Variants in FILIP1L observed in about 807,000 individuals in gnomAD.
FILIP1L encodes the protein filamin A-interacting protein 1-like.
A neutral mutation model predicts 96.6 loss-of-function variants in FILIP1L; 55 were observed. That is an observed-to-expected ratio of 0.57 (90% CI 0.46 to 0.71). The LOEUF is 0.71. FILIP1L is among the 30% of genes least tolerant of loss of function. The probability of loss-of-function intolerance (pLI) is 0.00; values close to 1 mark genes in which losing one functional copy is unlikely to be tolerated. For synonymous variants in FILIP1L, 467 were observed against 473.9 expected (o/e 0.99, Z 0.19); for missense variants, 1,304 against 1,321.2 (o/e 0.99, Z 0.20).
chr3:100,075,311 A>T (rs2065832924), intron 1 of FILIP1L, among the ~76,000 whole-genome samples: 1 of 152,246 alleles, frequency 6.6e-6, no homozygotes, highest in Non-Finnish European at 1.5e-5. Context: ...TTGCTGCCAC[A>T]GAAATGGATA....
chr3:99,974,900 G>A (rs142931985), intron 1 of FILIP1L, among the ~76,000 whole-genome samples: 1 of 152,224 alleles, frequency 6.6e-6, no homozygotes, highest in African/African-American at 2.4e-5. Flanking sequence ...CATACCAGGT[G>A]GATTCAGTCC....
At chr3:99,937,429 C>T (rs1263593196) in intron 1 of FILIP1L, among the ~76,000 whole-genome samples, 1 of 152,148 alleles carries the variant, frequency 6.6e-6, no homozygotes, top group African/African-American at 2.4e-5. Flanking sequence ...TTTTCTCAAC[C>T]ACTGCTGTCA....
At chr3:100,012,761 CTTT>C (rs35737304) in intron 1 of FILIP1L, among the ~76,000 whole-genome samples, 13 of 93,578 alleles carry the variant, frequency 1.4e-4, no homozygotes, top group Admixed American at 2.4e-4. Flanking sequence ...GAAGCATATT[CTTT>C]TTTTTTTTTT....
chr3:99,980,446 C>T (rs1292554370), intron 1 of FILIP1L, among the ~76,000 whole-genome samples: 1 of 152,146 alleles, frequency 6.6e-6, no homozygotes, highest in Non-Finnish European at 1.5e-5. Flanking sequence ...TGAGGCAGTT[C>T]CTCATAACCA....
intron 1 of FILIP1L, among the ~76,000 whole-genome samples, chr3:99,999,980 T>C (rs887356413): frequency 1.3e-5 from 2 of 152,172 alleles, no homozygotes; most frequent in African/African-American, 4.8e-5. Context: ...TTCTCAGCCC[T>C]GGCTTAAAAA....
At chr3:100,061,454 C>G (rs182307300) in intron 1 of FILIP1L, among the ~76,000 whole-genome samples, 14 of 152,296 alleles carry the variant, frequency 9.2e-5, no homozygotes, top group South Asian at 2.1e-4. Flanking sequence ...TTCCCAGGCC[C>G]TTGTTTTACT....
chr3:99,966,735 T>A (rs888031473), intron 1 of FILIP1L, among the ~76,000 whole-genome samples: 1 of 152,202 alleles, frequency 6.6e-6, no homozygotes, highest in East Asian at 1.9e-4. Flanking sequence ...TGTGTCAGAT[T>A]TGAAAAATCA....
intron 5 of FILIP1L, among the ~76,000 whole-genome samples, chr3:99,845,314 T>C (rs1943314014): frequency 6.6e-6 from 1 of 152,186 alleles, no homozygotes; most frequent in Admixed American, 6.5e-5. Flanking sequence ...GAATCTGTGA[T>C]AGGATTCTAC....
intron 1 of FILIP1L, among the ~76,000 whole-genome samples, chr3:99,946,365 C>T (rs1312260527): frequency 6.6e-6 from 1 of 152,270 alleles, no homozygotes; most frequent in Non-Finnish European, 1.5e-5. Flanking sequence ...TTTTTTGTTA[C>T]GGAAAAGGAG....
intron 1 of FILIP1L, among the ~76,000 whole-genome samples, chr3:100,069,138 G>A (rs6777622): frequency 0.77 from 117,610 of 152,072 alleles, 46,102 homozygotes; most frequent in East Asian, 0.88. Context: ...TCTTCTGTAA[G>A]GCTCCTACTC....
chr3:99,936,442 C>A (rs1193491780), intron 1 of FILIP1L, among the ~76,000 whole-genome samples: 1 of 132,652 alleles, frequency 7.5e-6, no homozygotes. Flanking sequence ...GTGGCACGAT[C>A]TCGGCTCACT....
At chr3:99,880,180 C>A (rs1440193823) in intron 4 of FILIP1L, among the ~76,000 whole-genome samples, 8 of 152,208 alleles carry the variant, frequency 5.3e-5, no homozygotes, top group African/African-American at 1.7e-4. Flanking sequence ...AAAGAACCTT[C>A]TCTCCATGCC....
chr3:100,000,259 G>GA lies in FILIP1L; in HGVS notation c.-10-69230dup, dbSNP rs1559720459. ...TGTCCGGTGACCTTGCTTTTTGTAGGAAAAAAGTCATCCAAAGGGGCCTCC... is the reference window on the plus strand; with the variant it reads ...TGTCCGGTGACCTTGCTTTTTGTAGGAAAAAAAGTCATCCAAAGGGGCCTCC... On this transcript the variant is annotated intron_variant, in intron 1 of 5. Coordinates refer to ENST00000477258, the MANE Select transcript of FILIP1L (RefSeq NM_001387850.1). Among the ~76,000 whole-genome samples the GA allele has an allele frequency of 2.0e-5, 3 of 152,072 alleles. No individual in the cohort carries two copies. In the East Asian group the frequency reaches 5.8e-4, roughly 29 times the overall value.
chr3:99,924,400 T>C lies in FILIP1L; in HGVS notation c.435A>G (p.Lys145=). 6.2e-7 allele frequency: 1 copy of C among 1,613,936 alleles called. No individual in the cohort carries two copies. Among genetic ancestry groups the C allele is most frequent in the Non-Finnish European group, 8.5e-7 (1 of 1,179,952 alleles). The change falls in exon 4 of 6, where the codon AAA becomes AAG. Residue 145 remains lysine, a synonymous_variant. Coordinates refer to ENST00000477258, the MANE Select transcript of FILIP1L (RefSeq NM_001387850.1). ...IYEKPMNELD[K]VVEKHKESYR... Reference sequence around the variant, plus strand: ...AAGATTCTTTATGTTTTTCCACAACTTTGTCCAACTACGAAAGAAAACATT... The same window carrying C: ...AAGATTCTTTATGTTTTTCCACAACCTTGTCCAACTACGAAAGAAAACATT...
chr3:99,850,999 G>T lies in FILIP1L; in HGVS notation c.677C>A (p.Thr226Asn). 1.2e-6 allele frequency: 2 copies of T among 1,613,502 alleles called. No homozygotes were observed. The highest frequency in any genetic ancestry group is 8.5e-7 in the Non-Finnish European group (1 of 1,179,816). Residue 226 changes from threonine to asparagine, a missense_variant, in exon 5 of 6, where the codon ACC (threonine) becomes AAC (asparagine). Physicochemically the swap from Thr to Asn is moderately conservative, Grantham distance 65. Transcript: ENST00000477258. The part of the protein sequence containing the change: ...EKEQEKEKRV[T>N]TLKEELTKLK... Reference sequence around the variant, plus strand: ...CTTGGTCAGCTCCTCTTTCAGGGTGGTGACCCTTTTCTCCTTTTCTTGCTC... The same window carrying T: ...CTTGGTCAGCTCCTCTTTCAGGGTGTTGACCCTTTTCTCCTTTTCTTGCTC...
intron 1 of FILIP1L, among the ~76,000 whole-genome samples, chr3:99,983,389 A>AATAAATAAAT (rs1302972402): frequency 1.2e-4 from 5 of 40,788 alleles, no homozygotes; most frequent in African/African-American, 5.1e-4. Context: ...TAAATAAATA[A>AATAAATAAAT]ATATATATAT....
At chr3:99,867,059 C>T (rs1010889607) in intron 4 of FILIP1L, among the ~76,000 whole-genome samples, 1 of 152,152 alleles carries the variant, frequency 6.6e-6, no homozygotes, top group African/African-American at 2.4e-5. Flanking sequence ...TACTTCCTTT[C>T]CTGTAAGTTG....
chr3:100,045,221 A>G (rs1350555440), intron 1 of FILIP1L, among the ~76,000 whole-genome samples: 1 of 152,260 alleles, frequency 6.6e-6, no homozygotes, highest in Non-Finnish European at 1.5e-5. Flanking sequence ...CTTGGAAGTA[A>G]TGATCTAGCT....
At chr3:99,992,199 C>A (rs1362865640) in intron 1 of FILIP1L, among the ~76,000 whole-genome samples, 1 of 151,940 alleles carries the variant, frequency 6.6e-6, no homozygotes, top group Non-Finnish European at 1.5e-5. Flanking sequence ...AGTGAAATTG[C>A]TGAATCAAAT....
Sources: gnomAD v4.1 joint callset for allele counts (sites outside exome capture counted in the v4.1 genomes callset) on GRCh38, gnomAD v4.1.1 for gene constraint, MANE v1.5 for transcripts, NCBI Gene and HGNC (gene_info 2026-07-23, HGNC 2026-07-21) for gene names.